Variants in RANBP10 observed in about 807,000 individuals in gnomAD.
The protein encoded by RANBP10 is RAN binding protein 10, also known as ran-binding protein 10.
RANBP10 carries 24 observed loss-of-function variants against 72.8 expected under a neutral mutation model. The ratio of observed to expected loss-of-function variants is 0.33; its 90% CI spans 0.24 to 0.46. The LOEUF (loss-of-function observed/expected upper bound fraction) is 0.46, where lower values mean the gene tolerates loss of function less well. RANBP10 is among the 20% of genes least tolerant of loss of function. RANBP10 has a pLI of 1.00. For missense variants in RANBP10, 679 were observed against 817.5 expected (o/e 0.83, Z 2.07); for synonymous variants, 310 against 322.3 (o/e 0.96, Z 0.41).
chr16:67,728,933 C>T (rs897368247), intron 10 of RANBP10, among the ~76,000 whole-genome samples: 15 of 152,252 alleles, frequency 9.9e-5, no homozygotes, highest in Admixed American at 9.8e-4. Context: ...GCTTAGCTTC[C>T]CCTGCCTGCC....
chr16:67,762,862 G>T (rs2054425911), intron 3 of RANBP10, among the ~76,000 whole-genome samples: 1 of 152,212 alleles, frequency 6.6e-6, no homozygotes, highest in African/African-American at 2.4e-5. Flanking sequence ...GGAGTCCCAA[G>T]GAGCTCACAA....
rs1180339774 is a variant in RANBP10 at position 67,765,948 on chromosome 16, G to C, written c.400+6086C>G. 6.6e-5 allele frequency among the ~76,000 whole-genome samples: 10 copies of C among 152,270 alleles called. No homozygotes were observed. The East Asian group carries it at 1.9e-3, about 29-fold the overall frequency. The stretch of plus-strand genomic sequence containing the variant: ...GGAGCACTCGGCCCAGGAGGTTGAG[G>C]CTGCAGTGAGCTGTGACTGTGCCAC... On this transcript the variant is annotated intron_variant, in intron 3 of 13. Coordinates refer to ENST00000317506, the MANE Select transcript of RANBP10 (RefSeq NM_020850.3).
intron 2 of RANBP10, among the ~76,000 whole-genome samples, chr16:67,799,308 G>T (rs1315958586): frequency 4.8e-5 from 6 of 125,906 alleles, no homozygotes; most frequent in African/African-American, 6.5e-5. Context: ...TTTTTTTTGA[G>T]ACAGAGTCTC....
At chr16:67,736,568 C>T (rs1369688845) in intron 5 of RANBP10, among the ~76,000 whole-genome samples, 1 of 152,196 alleles carries the variant, frequency 6.6e-6, no homozygotes, top group African/African-American at 2.4e-5. Flanking sequence ...CTTTCTTTCC[C>T]CTACCATCCT....
chr16:67,750,769 T>C (rs942338749), intron 3 of RANBP10, among the ~76,000 whole-genome samples: 27 of 144,804 alleles, frequency 1.9e-4, no homozygotes, highest in Non-Finnish European at 3.6e-4. Flanking sequence ...TTCTTTTTTT[T>C]TTTTTTTTTT....
At chr16:67,792,129 C>G (rs1257277451) in intron 2 of RANBP10, among the ~76,000 whole-genome samples, 1 of 152,046 alleles carries the variant, frequency 6.6e-6, no homozygotes, top group Non-Finnish European at 1.5e-5. Context: ...GCTGCTCCTC[C>G]AGCAAGCAAC....
intron 3 of RANBP10, among the ~76,000 whole-genome samples, chr16:67,746,677 T>C (rs954605987): frequency 6.6e-6 from 1 of 152,190 alleles, no homozygotes; most frequent in African/African-American, 2.4e-5. Context: ...CTCAGGCCTC[T>C]TGGGAGTCAA....
intron 3 of RANBP10, among the ~76,000 whole-genome samples, chr16:67,754,483 A>G (rs575488687): frequency 6.6e-6 from 1 of 152,370 alleles, no homozygotes; most frequent in Non-Finnish European, 1.5e-5. Flanking sequence ...CAAAGGCACC[A>G]GAAGCCCAAA....
At chr16:67,797,369 A>G (rs549740259) in intron 2 of RANBP10, among the ~76,000 whole-genome samples, 28 of 152,354 alleles carry the variant, frequency 1.8e-4, no homozygotes, top group African/African-American at 6.7e-4. Flanking sequence ...GGGAGGCCCT[A>G]CCAGAAAAGT....
intron 2 of RANBP10, among the ~76,000 whole-genome samples, chr16:67,782,197 A>G (rs998324334): frequency 5.3e-5 from 8 of 152,224 alleles, no homozygotes; most frequent in Admixed American, 1.3e-4. Flanking sequence ...CTGGAGTGCA[A>G]TGGTGAGACC....
intron 2 of RANBP10, among the ~76,000 whole-genome samples, chr16:67,778,301 A>G (rs2054746137): frequency 6.6e-6 from 1 of 152,060 alleles, no homozygotes; most frequent in African/African-American, 2.4e-5. Flanking sequence ...GTAAGCCAAG[A>G]TCGCGCCACT....
At chr16:67,781,419 C>T (rs1200765583) in intron 2 of RANBP10, among the ~76,000 whole-genome samples, 6 of 152,154 alleles carry the variant, frequency 3.9e-5, no homozygotes, top group Admixed American at 1.3e-4. Flanking sequence ...CTTTTACTCC[C>T]GGAGCAGGTG....
intron 3 of RANBP10, among the ~76,000 whole-genome samples, chr16:67,760,695 GCT>G (rs1436728567): frequency 6.6e-6 from 1 of 152,186 alleles, no homozygotes; most frequent in Non-Finnish European, 1.5e-5. Context: ...AGGAAAGTAT[GCT>G]TCAACGGGCC....
At chr16:67,788,535 C>T (rs1249758921) in intron 2 of RANBP10, among the ~76,000 whole-genome samples, 3 of 150,488 alleles carry the variant, frequency 2.0e-5, no homozygotes, top group Non-Finnish European at 4.4e-5. Context: ...GGGATTACAG[C>T]GTGAGCCAGC....
intron 3 of RANBP10, among the ~76,000 whole-genome samples, chr16:67,751,664 C>T (rs1004592616): frequency 6.6e-6 from 1 of 151,990 alleles, no homozygotes; most frequent in Admixed American, 6.6e-5. Context: ...GCCTATAATC[C>T]CAGTACTTTG....
chr16:67,787,432 G>C (rs1442216621), intron 2 of RANBP10, among the ~76,000 whole-genome samples: 2 of 152,124 alleles, frequency 1.3e-5, no homozygotes, highest in African/African-American at 4.8e-5. Flanking sequence ...ACTGCTGGTG[G>C]GGATGTAAAA....
At chr16:67,786,172 T>A (rs1487083923) in intron 2 of RANBP10, among the ~76,000 whole-genome samples, 1 of 149,776 alleles carries the variant, frequency 6.7e-6, no homozygotes, top group Non-Finnish European at 1.5e-5. Context: ...CTACAAAAAA[T>A]TTAAAATTTA....
At chr16:67,758,184 T>C (rs1348693986) in intron 3 of RANBP10, among the ~76,000 whole-genome samples, 1 of 152,178 alleles carries the variant, frequency 6.6e-6, no homozygotes, top group East Asian at 1.9e-4. Flanking sequence ...TGGGTCTGGA[T>C]AGGACATGGC....
At chr16:67,777,223 A>G (rs2054723145) in intron 2 of RANBP10, among the ~76,000 whole-genome samples, 1 of 150,332 alleles carries the variant, frequency 6.7e-6, no homozygotes, top group Non-Finnish European at 1.5e-5. Context: ...ACCCAAAAAA[A>G]AGAAAAAAAA....
Sources: allele counts gnomAD v4.1 joint callset (sites outside exome capture counted in the v4.1 genomes callset), GRCh38; gene constraint gnomAD v4.1.1; transcripts MANE v1.5; gene names NCBI Gene and HGNC (gene_info 2026-07-23, HGNC 2026-07-21).